The following MIPOL1 variants were observed in gnomAD, a reference collection of about 807,000 sequenced individuals.
MIPOL1 encodes mirror-image polydactyly 1.
Under a neutral mutation model 60.9 loss-of-function variants are expected in MIPOL1, and 57 were observed. The observed-to-expected ratio is 0.94, with a 90% CI of 0.76 to 1.17. The LOEUF is 1.17. Ranked by LOEUF, MIPOL1 falls within the 50% of genes most tolerant of loss-of-function variation. The pLI is 0.00. For missense variants in MIPOL1, 551 were observed against 511.6 expected (o/e 1.08, Z -0.74); for synonymous variants, 179 against 168.8 (o/e 1.06, Z -0.47).
rs1196626755 is a variant in MIPOL1 at position 37,351,370 on chromosome 14, C to T, written c.829-18147C>T. 1.2e-4 allele frequency among the ~76,000 whole-genome samples: 18 copies of T among 146,500 alleles called. 1 individual carries two copies. In the East Asian group the frequency reaches 2.7e-3, roughly 22 times the overall value. ...TGTGAATAATGCCGCAATAAACATA[C>T]GTGTGCATGTGTCTTTATAGCAGCA... On this transcript the variant is annotated intron_variant, in intron 9 of 12. Transcript: ENST00000684589.
chr14:37,307,852 C>T (rs1294385318), intron 7 of MIPOL1, among the ~76,000 whole-genome samples: 1 of 151,996 alleles, frequency 6.6e-6, no homozygotes, highest in African/African-American at 2.4e-5. Context: ...AATAACTTAA[C>T]AGTCTGAAGT....
chr14:37,518,763 G>A (rs2095390349), intron 12 of MIPOL1, among the ~76,000 whole-genome samples: 1 of 152,088 alleles, frequency 6.6e-6, no homozygotes, highest in South Asian at 2.1e-4. Flanking sequence ...CAAGCTTCTA[G>A]GTCTGGGTCA....
At chr14:37,343,406 A>T (rs1027055715) in intron 9 of MIPOL1, among the ~76,000 whole-genome samples, 9 of 152,192 alleles carry the variant, frequency 5.9e-5, no homozygotes, top group Non-Finnish European at 1.3e-4. Flanking sequence ...AGGAATAAAA[A>T]CTTCTATAGT....
At position 37,369,556 on chromosome 14, in the gene MIPOL1, C is replaced by T; in HGVS notation, c.868C>T (p.Gln290Ter). The T allele has an allele frequency of 1.2e-6, 2 of 1,613,376 alleles. No homozygotes were observed. Among genetic ancestry groups the T allele is most frequent in the Non-Finnish European group, 1.7e-6 (2 of 1,179,530 alleles). The change falls in exon 10 of 13, where the codon CAG becomes TAG. Residue 290 changes from glutamine (Q) to a stop codon, truncating the protein, a stop_gained. Coordinates refer to ENST00000684589, the MANE Select transcript of MIPOL1 (RefSeq NM_001388067.1). LOFTEE classifies it high-confidence loss of function. ...GCAGGAGCTTCATCATGTGAAAGAGCAGAACCAGACTTCAGCAAACAACAT... is the reference window on the plus strand; with the variant it reads ...GCAGGAGCTTCATCATGTGAAAGAGTAGAACCAGACTTCAGCAAACAACAT... The part of the protein sequence containing the change: ...LEQELHHVKE[Q>*]NQTSANNMRH...
intron 10 of MIPOL1, among the ~76,000 whole-genome samples, chr14:37,405,223 T>C (rs970109342): frequency 6.6e-6 from 1 of 152,196 alleles, no homozygotes; most frequent in African/African-American, 2.4e-5. Context: ...GCTGCTGTTG[T>C]CTGAAGCATC....
intron 12 of MIPOL1, chr14:37,503,170 A>G (rs1157570766): frequency 1.3e-5 from 2 of 152,196 alleles, no homozygotes; most frequent in Non-Finnish European, 2.9e-5. Flanking sequence ...GGAGAATGAA[A>G]CCAAGTTGGA....
intron 9 of MIPOL1, among the ~76,000 whole-genome samples, chr14:37,364,584 A>G (rs1468084603): frequency 6.6e-6 from 1 of 151,956 alleles, no homozygotes; most frequent in Non-Finnish European, 1.5e-5. Flanking sequence ...CCATTGGTCT[A>G]TGTGTTTTTA....
chr14:37,333,705 T>C (rs920287364), intron 9 of MIPOL1, among the ~76,000 whole-genome samples: 5 of 152,024 alleles, frequency 3.3e-5, no homozygotes, highest in Non-Finnish European at 7.4e-5. Flanking sequence ...ATATAAATAA[T>C]AGCAGATCAT....
At chr14:37,477,113 T>C (rs1286378135) in intron 11 of MIPOL1, among the ~76,000 whole-genome samples, 1 of 152,050 alleles carries the variant, frequency 6.6e-6, no homozygotes. Context: ...TTGGCCAGGC[T>C]GGTCTTGAAC....
intron 6 of MIPOL1, among the ~76,000 whole-genome samples, chr14:37,282,088 C>A (rs2084152268): frequency 6.6e-6 from 1 of 151,922 alleles, no homozygotes; most frequent in Non-Finnish European, 1.5e-5. Flanking sequence ...CTTGATCACA[C>A]AGGACCAAAG....
At chr14:37,304,322 T>G (rs1230356210) in intron 7 of MIPOL1, among the ~76,000 whole-genome samples, 3 of 151,718 alleles carry the variant, frequency 2.0e-5, no homozygotes, top group African/African-American at 7.2e-5. Context: ...TTGGCTTTAA[T>G]GCTTTTTCTC....
intron 1 of MIPOL1, among the ~76,000 whole-genome samples, chr14:37,228,325 C>CTTTT (rs397961053): frequency 6.5e-4 from 68 of 105,084 alleles, no homozygotes; most frequent in African/African-American, 1.4e-3. Context: ...TCTTTCTTTT[C>CTTTT]TTTTTTTTTT....
chr14:37,259,333 G>C (rs907611231), intron 3 of MIPOL1, among the ~76,000 whole-genome samples: 2 of 151,898 alleles, frequency 1.3e-5, no homozygotes, highest in Non-Finnish European at 2.9e-5. Context: ...AGATGGGATC[G>C]ACCTGAGATC....
At chr14:37,342,667 A>G (rs1018627549) in intron 9 of MIPOL1, among the ~76,000 whole-genome samples, 3 of 152,084 alleles carry the variant, frequency 2.0e-5, no homozygotes, top group Admixed American at 2.0e-4. Flanking sequence ...AAGTGCAGGG[A>G]TTACAGGCGT....
chr14:37,288,481 C>A (rs1236630249), intron 7 of MIPOL1, among the ~76,000 whole-genome samples: 1 of 151,972 alleles, frequency 6.6e-6, no homozygotes, highest in African/African-American at 2.4e-5. Flanking sequence ...TAATTTATAG[C>A]TACTTGTGGC....
intron 12 of MIPOL1, among the ~76,000 whole-genome samples, chr14:37,513,295 A>G (rs755584485): frequency 1.3e-5 from 2 of 152,152 alleles, no homozygotes; most frequent in African/African-American, 2.4e-5. Flanking sequence ...ATTGCATTAT[A>G]TGCTTGTAGA....
intron 7 of MIPOL1, among the ~76,000 whole-genome samples, chr14:37,305,772 G>T (rs570835794): frequency 6.6e-6 from 1 of 151,646 alleles, no homozygotes; most frequent in African/African-American, 2.4e-5. Flanking sequence ...ATTTTAACCA[G>T]TTATATATTT....
intron 1 of MIPOL1, among the ~76,000 whole-genome samples, chr14:37,202,844 G>T (rs1194616037): frequency 3.3e-5 from 5 of 152,118 alleles, no homozygotes; most frequent in Non-Finnish European, 7.4e-5. Flanking sequence ...GCAGTTTTTA[G>T]ATACTTTATT....
At chr14:37,499,131 T>C (rs945821699) in intron 11 of MIPOL1, among the ~76,000 whole-genome samples, 20 of 152,138 alleles carry the variant, frequency 1.3e-4, no homozygotes, top group African/African-American at 4.6e-4. Flanking sequence ...CAAAATGTCT[T>C]TATTTAATTG....
Sources: allele counts gnomAD v4.1 joint callset (sites outside exome capture counted in the v4.1 genomes callset), GRCh38; gene constraint gnomAD v4.1.1; transcripts MANE v1.5; gene names NCBI Gene and HGNC (gene_info 2026-07-23, HGNC 2026-07-21).